The following CRACR2A variants were observed in gnomAD, a reference collection of about 807,000 sequenced individuals.
The protein encoded by CRACR2A is EF-hand calcium-binding domain-containing protein 4B.
Under a neutral mutation model 90.5 loss-of-function variants are expected in CRACR2A, and 79 were observed. That is an observed-to-expected ratio of 0.87 (90% confidence interval 0.73 to 1.05). The LOEUF is 1.05. Ranked by LOEUF, CRACR2A falls within the 50% of genes least tolerant of loss-of-function variation. The pLI is 0.00. For synonymous variants in CRACR2A, 338 were observed against 356.7 expected (o/e 0.95, Z 0.59); for missense variants, 823 against 897.2 (o/e 0.92, Z 1.06).
At chr12:3,655,423 T>C (rs1443445635) in intron 9 of CRACR2A, among the ~76,000 whole-genome samples, 5 of 152,216 alleles carry the variant, frequency 3.3e-5, no homozygotes, top group African/African-American at 1.2e-4. Flanking sequence ...AGCAGTGGAA[T>C]AGTCTCTAGT....
Position 3,716,316 on chromosome 12 carries a change from C to A in CRACR2A, c.-117-2999G>T, listed in dbSNP as rs954908661. Among the ~76,000 whole-genome samples the A allele has an allele frequency of 4.6e-5, 7 of 152,304 alleles. No individual in the cohort carries two copies. In the East Asian group the frequency reaches 7.7e-4, roughly 17 times the overall value. ...TCATACTGAAAAAGCCCTGTTTCAT[C>A]CCCTGTTACAGTTCTTCAAAGAAGT... On this transcript the variant is annotated intron_variant, in intron 2 of 19. Transcript: ENST00000440314.
intron 2 of CRACR2A, chr12:3,726,740 G>A (rs1319247888): frequency 6.6e-6 from 1 of 152,030 alleles, no homozygotes; most frequent in East Asian, 1.9e-4. Flanking sequence ...CTGTGATATG[G>A]GGCAGGATAG....
At chr12:3,748,771 A>T (rs770480320) in intron 1 of CRACR2A, among the ~76,000 whole-genome samples, 5 of 152,178 alleles carry the variant, frequency 3.3e-5, no homozygotes, top group Non-Finnish European at 7.3e-5. Flanking sequence ...CAAGGTGTGG[A>T]GCCTGTAGAG....
At chr12:3,656,553 TA>T in intron 8 of CRACR2A, 147 bp from the exon 9 acceptor site, 1 of 692,374 alleles carries the variant, frequency 1.4e-6, no homozygotes, top group Middle Eastern at 2.5e-4. Context: ...AGGGCTCTGG[TA>T]ACCTGCCTGC....
In CRACR2A at chr12:3,643,236, CTG is replaced by C. The variant is rs578258462; in HGVS notation, c.1164+1357_1164+1358del. 9.8e-5 allele frequency among the ~76,000 whole-genome samples: 15 copies of C among 152,294 alleles called. No homozygotes were observed. The South Asian group carries it at 3.1e-3, about 32-fold the overall frequency. ...CTGCCAGTCAGCAATGGAAAAGAAACTGTGGCGTAATGCAGTCCCTCAGGGAT... is the reference window on the plus strand; with the variant it reads ...CTGCCAGTCAGCAATGGAAAAGAAACTGGCGTAATGCAGTCCCTCAGGGAT... On this transcript the variant is annotated intron_variant, in intron 12 of 19. Coordinates refer to ENST00000440314, the MANE Select transcript of CRACR2A (RefSeq NM_001144958.2).
Position 3,626,216 on chromosome 12 carries a change from T to G in CRACR2A, c.1932+1220A>C, listed in dbSNP as rs199820019. 3.3e-5 allele frequency among the ~76,000 whole-genome samples: 5 copies of G among 152,162 alleles called. No homozygotes were observed. The East Asian group carries it at 7.7e-4, about 24-fold the overall frequency. On this transcript the variant is annotated intron_variant, in intron 17 of 19. Transcript: ENST00000440314. The stretch of plus-strand genomic sequence containing the variant: ...AAAAGACAGACGGGTGACCCAGACA[T>G]GCAAAACTACAGAGAAACAGATTTG...
chr12:3,688,627 C>T (rs117193464), intron 4 of CRACR2A, among the ~76,000 whole-genome samples: 5,284 of 152,252 alleles, frequency 0.035, 131 homozygotes, highest in Non-Finnish European at 0.053. Context: ...TAATGTTATG[C>T]CTCCAGCTTT....
intron 2 of CRACR2A, among the ~76,000 whole-genome samples, chr12:3,719,181 C>G (rs1186434125): frequency 6.6e-6 from 1 of 152,204 alleles, no homozygotes; most frequent in Non-Finnish European, 1.5e-5. Context: ...AAGCACATCT[C>G]AAACCCATGC....
At chr12:3,665,204 A>G (rs2137531432) in intron 7 of CRACR2A, among the ~76,000 whole-genome samples, 1 of 152,386 alleles carries the variant, frequency 6.6e-6, no homozygotes, top group African/African-American at 2.4e-5. Flanking sequence ...GTGGAGGACC[A>G]GAGTTAGCAA....
chr12:3,709,590 C>T (rs1945979048), intron 3 of CRACR2A, among the ~76,000 whole-genome samples: 1 of 152,136 alleles, frequency 6.6e-6, no homozygotes, highest in Non-Finnish European at 1.5e-5. Flanking sequence ...CCAGCCTGGC[C>T]AACATGGTGA....
intron 8 of CRACR2A, 71 bp from the exon 9 acceptor site, chr12:3,656,477 C>T (rs769942095): frequency 5.1e-6 from 7 of 1,368,490 alleles, no homozygotes; most frequent in East Asian, 2.3e-5. Context: ...TTTTTTTTCC[C>T]ACCTTGAACC....
At chr12:3,623,383 G>A (rs1334083941) in intron 17 of CRACR2A, among the ~76,000 whole-genome samples, 3 of 152,104 alleles carry the variant, frequency 2.0e-5, no homozygotes, top group Non-Finnish European at 4.4e-5. Context: ...CCATCAGAAC[G>A]ACAAGAGGCT....
chr12:3,645,054 AC>A (rs1203284552), intron 11 of CRACR2A, among the ~76,000 whole-genome samples: 1 of 152,174 alleles, frequency 6.6e-6, no homozygotes, highest in African/African-American at 2.4e-5. Flanking sequence ...TCTCCTGAGC[AC>A]CCACTGCATG....
chr12:3,629,792 G>A (rs1944345874), intron 15 of CRACR2A, among the ~76,000 whole-genome samples: 1 of 147,784 alleles, frequency 6.8e-6, no homozygotes, highest in Middle Eastern at 3.5e-3. Flanking sequence ...GGCAGGCCGA[G>A]GAAGCAGATA....
intron 10 of CRACR2A, among the ~76,000 whole-genome samples, chr12:3,652,265 G>C (rs1253704485): frequency 2.0e-5 from 3 of 152,174 alleles, no homozygotes; most frequent in Non-Finnish European, 4.4e-5. Context: ...TTTAGAGCTT[G>C]ATTGAATTTC....
intron 1 of CRACR2A, among the ~76,000 whole-genome samples, chr12:3,735,745 G>A (rs956172880): frequency 6.6e-6 from 1 of 152,186 alleles, no homozygotes; most frequent in Non-Finnish European, 1.5e-5. Flanking sequence ...CACAGTGGCC[G>A]TCAGGAGAGA....
intron 5 of CRACR2A, among the ~76,000 whole-genome samples, 200 bp downstream of exon 5, chr12:3,680,038 C>T (rs537646638): frequency 1.5e-4 from 23 of 152,268 alleles, no homozygotes; most frequent in Admixed American, 6.5e-4. Context: ...ACTGAGCAAG[C>T]GGCAATGTAA....
chr12:3,689,626 T>C (rs1945619277), intron 4 of CRACR2A, among the ~76,000 whole-genome samples: 3 of 152,216 alleles, frequency 2.0e-5, no homozygotes, highest in African/African-American at 7.2e-5. Context: ...GCATCAATGT[T>C]CATCAAGGAT....
chr12:3,658,654 T>A (rs1156299751), intron 8 of CRACR2A, among the ~76,000 whole-genome samples: 1 of 152,122 alleles, frequency 6.6e-6, no homozygotes, highest in Non-Finnish European at 1.5e-5. Context: ...GTGTCGATAA[T>A]CTGAGGCAGC....
Sources: gnomAD v4.1 joint callset for allele counts (sites outside exome capture counted in the v4.1 genomes callset) on GRCh38, gnomAD v4.1.1 for gene constraint, MANE v1.5 for transcripts, NCBI Gene and HGNC (gene_info 2026-07-23, HGNC 2026-07-21) for gene names.